Variants in OPCML observed in about 807,000 individuals in gnomAD.
OPCML encodes the protein opioid binding protein/cell adhesion molecule like.
A neutral mutation model predicts 37.8 loss-of-function variants in OPCML; 13 were observed. The ratio of observed to expected loss-of-function variants is 0.34; its 90% CI spans 0.22 to 0.55. OPCML has a LOEUF of 0.55. Ranked by LOEUF, OPCML falls within the 20% of genes least tolerant of loss-of-function variation. The pLI, the probability that OPCML is intolerant of heterozygous loss-of-function variation, is 0.91. For synonymous variants in OPCML, 176 were observed against 168.8 expected (o/e 1.04, Z -0.33); for missense variants, 341 against 435.6 (o/e 0.78, Z 1.93).
chr11:133,089,211 A>G (rs1948866584), intron 1 of OPCML, among the ~76,000 whole-genome samples: 1 of 152,244 alleles, frequency 6.6e-6, no homozygotes, highest in Non-Finnish European at 1.5e-5. Flanking sequence ...TGTGACAAGT[A>G]GAGATATACA....
intron 1 of OPCML, chr11:133,005,005 C>T (rs1261860548): frequency 3.0e-6 from 3 of 985,270 alleles, no homozygotes; most frequent in Non-Finnish European, 3.6e-6. Context: ...TTACTCCTCC[C>T]ATCCCTCCTT....
At chr11:133,042,846 T>C (rs1483355499) in intron 1 of OPCML, among the ~76,000 whole-genome samples, 1 of 152,134 alleles carries the variant, frequency 6.6e-6, no homozygotes, top group Non-Finnish European at 1.5e-5. Flanking sequence ...CAAAATTTAA[T>C]GTTGAAGACA....
chr11:132,653,456 CGACCCCACAGCTG>C (rs1565748252), intron 3 of OPCML, among the ~76,000 whole-genome samples: 3 of 152,114 alleles, frequency 2.0e-5, no homozygotes, highest in African/African-American at 7.2e-5. Context: ...CCAACTAATC[CGACCCCACAGCTG>C]AGCATCCCCC....
chr11:132,959,263 G>T (rs1205770721), intron 1 of OPCML, among the ~76,000 whole-genome samples: 1 of 152,206 alleles, frequency 6.6e-6, no homozygotes, highest in Non-Finnish European at 1.5e-5. Flanking sequence ...ACTACAAGTG[G>T]AGACTAAAGA....
At chr11:133,397,843 C>T (rs914812868) in intron 1 of OPCML, among the ~76,000 whole-genome samples, 1 of 152,172 alleles carries the variant, frequency 6.6e-6, no homozygotes, top group Non-Finnish European at 1.5e-5. Flanking sequence ...AAATGCTGTT[C>T]AATTGCCAGG....
At chr11:132,904,367 A>G (rs1944163467) in intron 2 of OPCML, among the ~76,000 whole-genome samples, 1 of 152,092 alleles carries the variant, frequency 6.6e-6, no homozygotes, top group African/African-American at 2.4e-5. Context: ...AAAAATCTAA[A>G]TAACAACAGC....
chr11:133,159,746 C>G (rs1371892484), intron 1 of OPCML, among the ~76,000 whole-genome samples: 4 of 152,226 alleles, frequency 2.6e-5, no homozygotes, highest in African/African-American at 9.6e-5. Context: ...TGGAATGTCT[C>G]CCTGTCTCCC....
chr11:132,791,858 C>G (rs1022014085), intron 2 of OPCML, among the ~76,000 whole-genome samples: 6 of 152,152 alleles, frequency 3.9e-5, no homozygotes, highest in African/African-American at 1.4e-4. Context: ...CTGACAGGCC[C>G]TCTCTCCTGT....
At chr11:132,609,436 T>C (rs1938503545) in intron 3 of OPCML, among the ~76,000 whole-genome samples, 1 of 152,078 alleles carries the variant, frequency 6.6e-6, no homozygotes, top group Non-Finnish European at 1.5e-5. Flanking sequence ...CCGGTTAACA[T>C]TTCCAGCCAC....
rs7926124 is a variant in OPCML, at chr11:133,343,180, C to G, written c.61+189084G>C. ...ACAAGAGAGTAACAAAGTCCAAGTT[C>G]TCTCCAGCAAGGTTCAGGATGGTCT... On this transcript the variant is annotated intron_variant, in intron 1 of 7. Transcript: ENST00000524381. Among the ~76,000 whole-genome samples the G allele has an allele frequency of 4.2e-3, 642 of 152,166 alleles. 4 individuals are homozygous for G. Among genetic ancestry groups the G allele is most frequent in the African/African-American group, 0.015 (612 of 41,516 alleles).
At chr11:132,887,483 C>T (rs1943467917) in intron 2 of OPCML, among the ~76,000 whole-genome samples, 1 of 152,190 alleles carries the variant, frequency 6.6e-6, no homozygotes, top group African/African-American at 2.4e-5. Flanking sequence ...ATTTTGCACT[C>T]ACCCCGAAGA....
At chr11:133,007,104 C>T in intron 1 of OPCML, 2 of 985,408 alleles carry the variant, frequency 2.0e-6, no homozygotes, top group Non-Finnish European at 2.4e-6. Flanking sequence ...GAGGAGACAT[C>T]CCCTAGAGCT....
At chr11:133,519,889 A>G (rs1037152667) in intron 1 of OPCML, among the ~76,000 whole-genome samples, 1 of 152,196 alleles carries the variant, frequency 6.6e-6, no homozygotes, top group Non-Finnish European at 1.5e-5. Context: ...TGACCACATC[A>G]ACATAGCTTC....
intron 1 of OPCML, among the ~76,000 whole-genome samples, chr11:133,047,524 C>T (rs1261315597): frequency 3.3e-5 from 5 of 152,116 alleles, no homozygotes; most frequent in South Asian, 4.1e-4. Flanking sequence ...GGAATTCTGC[C>T]GGCTCTTTAA....
chr11:133,210,483 T>C (rs1307474822), intron 1 of OPCML, among the ~76,000 whole-genome samples: 1 of 152,192 alleles, frequency 6.6e-6, no homozygotes, highest in Non-Finnish European at 1.5e-5. Context: ...TGAAGTTCCC[T>C]TCAAGGTTTT....
chr11:132,960,702 TTCTC>T (rs949219652), intron 1 of OPCML, among the ~76,000 whole-genome samples: 1 of 152,198 alleles, frequency 6.6e-6, no homozygotes, highest in African/African-American at 2.4e-5. Context: ...TCCAACACTT[TTCTC>T]TCTCTGTCAA....
chr11:132,906,206 A>C (rs566707069), intron 2 of OPCML, among the ~76,000 whole-genome samples: 22 of 152,310 alleles, frequency 1.4e-4, no homozygotes, highest in Admixed American at 1.4e-3. Flanking sequence ...TAGAAATGCA[A>C]AGGAATATTC....
intron 2 of OPCML, among the ~76,000 whole-genome samples, chr11:132,912,372 T>A (rs1331237447): frequency 6.6e-6 from 1 of 152,210 alleles, no homozygotes; most frequent in Non-Finnish European, 1.5e-5. Context: ...CAACTCAATA[T>A]ATGAGTCACC....
At chr11:133,503,706 C>G (rs1332322058) in intron 1 of OPCML, among the ~76,000 whole-genome samples, 1 of 152,172 alleles carries the variant, frequency 6.6e-6, no homozygotes, top group Non-Finnish European at 1.5e-5. Flanking sequence ...GGGAGCTTTC[C>G]CAGTTTGACC....
Sources: gnomAD v4.1 joint callset for allele counts (sites outside exome capture counted in the v4.1 genomes callset) on GRCh38, gnomAD v4.1.1 for gene constraint, MANE v1.5 for transcripts, NCBI Gene and HGNC (gene_info 2026-07-23, HGNC 2026-07-21) for gene names.